RSRC1: variants seen among roughly 807,000 people sequenced by gnomAD.
RSRC1 encodes serine/Arginine-related protein 53.
A neutral mutation model predicts 49.1 loss-of-function variants in RSRC1; 39 were observed. That is an observed-to-expected ratio of 0.79 (90% confidence interval 0.61 to 1.04). RSRC1 has a LOEUF of 1.04. Ranked by LOEUF, RSRC1 falls within the 50% of genes least tolerant of loss-of-function variation. The pLI is 0.00. For missense variants in RSRC1, 388 were observed against 402.4 expected, an observed-to-expected ratio of 0.96 and a Z score of 0.31; for synonymous variants, 143 against 130.8, an observed-to-expected ratio of 1.09 and a Z score of -0.63.
intron 4 of RSRC1, among the ~76,000 whole-genome samples, chr3:158,238,249 T>C (rs1419059271): frequency 6.6e-6 from 1 of 152,190 alleles, no homozygotes; most frequent in East Asian, 1.9e-4. Flanking sequence ...CATTCCATGC[T>C]CATGGATAGA....
chr3:158,520,838 T>C (rs192561453), intron 7 of RSRC1, among the ~76,000 whole-genome samples: 37 of 152,306 alleles, frequency 2.4e-4, no homozygotes, highest in South Asian at 6.2e-4. Flanking sequence ...TGTATGTGGG[T>C]ATATATAAAA....
chr3:158,241,386 C>T (rs1723568467), intron 4 of RSRC1, among the ~76,000 whole-genome samples: 1 of 152,056 alleles, frequency 6.6e-6, no homozygotes, highest in Non-Finnish European at 1.5e-5. Flanking sequence ...GAGGCAGAAG[C>T]TGCAGTGAGC....
intron 3 of RSRC1, among the ~76,000 whole-genome samples, chr3:158,147,972 A>G (rs549014522): frequency 6.6e-6 from 1 of 152,296 alleles, no homozygotes; most frequent in South Asian, 2.1e-4. Flanking sequence ...TAACTATAAA[A>G]TTTTCTAAAC....
At chr3:158,268,307 G>GGCT (rs761764769) in intron 4 of RSRC1, among the ~76,000 whole-genome samples, 5 of 152,034 alleles carry the variant, frequency 3.3e-5, no homozygotes, top group Non-Finnish European at 5.9e-5. Context: ...TCTAATCTCT[G>GGCT]GCTACTTTTT....
chr3:158,509,135 T>A (rs1740022127), intron 7 of RSRC1, among the ~76,000 whole-genome samples: 2 of 152,212 alleles, frequency 1.3e-5, no homozygotes, highest in Non-Finnish European at 2.9e-5. Context: ...TTTTAGGTTT[T>A]ATATTTAGAT....
intron 6 of RSRC1, among the ~76,000 whole-genome samples, chr3:158,457,730 G>GT (rs1553809960): frequency 1.9e-4 from 23 of 119,636 alleles, no homozygotes; most frequent in South Asian, 1.9e-3. Context: ...TGTGTTTTGT[G>GT]TTTTTTTTTG....
At chr3:158,155,648 G>A (rs1717829822) in intron 3 of RSRC1, among the ~76,000 whole-genome samples, 1 of 127,910 alleles carries the variant, frequency 7.8e-6, no homozygotes, top group Non-Finnish European at 1.6e-5. Flanking sequence ...TCACCATGTT[G>A]CCCAAGCTGA....
chr3:158,133,827 G>T (rs1235955841), intron 3 of RSRC1, among the ~76,000 whole-genome samples: 2 of 152,196 alleles, frequency 1.3e-5, no homozygotes, highest in Non-Finnish European at 2.9e-5. Flanking sequence ...CTTATGCAGA[G>T]ATGTCACAGT....
Position 158,445,335 on chromosome 3 carries a change from T to G in RSRC1, c.584-15600T>G, listed in dbSNP as rs565083376. Among the ~76,000 whole-genome samples the G allele has an allele frequency of 3.5e-3, 533 of 151,994 alleles. 4 individuals are homozygous for G. The highest frequency in any genetic ancestry group is 0.012 in the African/African-American group (503 of 41,426). ...AATACTATGCAGCCATAAAAAAGGGTGAGTTCATGTCCTTTGTAGGGACAT... is the reference window on the plus strand; with the variant it reads ...AATACTATGCAGCCATAAAAAAGGGGGAGTTCATGTCCTTTGTAGGGACAT... On this transcript the variant is annotated intron_variant, in intron 6 of 9. Coordinates refer to ENST00000611884, the MANE Select transcript of RSRC1 (RefSeq NM_001271838.2).
intron 7 of RSRC1, among the ~76,000 whole-genome samples, chr3:158,533,124 G>T (rs1712496966): frequency 6.6e-6 from 1 of 151,748 alleles, no homozygotes; most frequent in Non-Finnish European, 1.5e-5. Context: ...TGAGAATTTT[G>T]AGTAAGAAGC....
chr3:158,313,268 T>C (rs1443698306), intron 5 of RSRC1, among the ~76,000 whole-genome samples: 3 of 152,198 alleles, frequency 2.0e-5, no homozygotes, highest in Non-Finnish European at 4.4e-5. Context: ...CCAGGAAATA[T>C]CTTATTCATT....
intron 4 of RSRC1, among the ~76,000 whole-genome samples, chr3:158,260,957 A>G (rs1466335310): frequency 6.6e-6 from 1 of 152,172 alleles, no homozygotes; most frequent in East Asian, 1.9e-4. Flanking sequence ...AAGGTGGTGT[A>G]GGTGATTCAA....
At chr3:158,158,938 CAA>C (rs11340589) in intron 3 of RSRC1, among the ~76,000 whole-genome samples, 295 of 119,306 alleles carry the variant, frequency 2.5e-3, no homozygotes, top group South Asian at 5.1e-3. Context: ...GACTCTGTCT[CAA>C]AAAAAAAAAA....
rs549448433 is a variant in RSRC1, at chr3:158,329,056, C to A, written c.532-25801C>A. On this transcript the variant is annotated intron_variant, in intron 5 of 9. Coordinates refer to ENST00000611884, the MANE Select transcript of RSRC1 (RefSeq NM_001271838.2). ...GCTACTGAAGGTTGTGCATTTGTCA[C>A]ATAGTTCTTGTGCCATGGTTTTCAG... 3.9e-5 allele frequency among the ~76,000 whole-genome samples: 6 copies of A among 152,316 alleles called. No individual in the cohort carries two copies. In the South Asian group the frequency reaches 1.2e-3, roughly 32 times the overall value.
At chr3:158,444,266 C>T (rs188995616) in intron 6 of RSRC1, among the ~76,000 whole-genome samples, 185 of 152,094 alleles carry the variant, frequency 1.2e-3, no homozygotes, top group African/African-American at 3.9e-3. Flanking sequence ...TATACTACAA[C>T]GCTACAGTAA....
At chr3:158,542,146 A>C (rs186184631) in intron 8 of RSRC1, among the ~76,000 whole-genome samples, 11 of 152,336 alleles carry the variant, frequency 7.2e-5, no homozygotes, top group Admixed American at 4.6e-4. Flanking sequence ...TGAATGGATA[A>C]ATAAAATGTG....
At chr3:158,371,054 C>G (rs1478961531) in intron 6 of RSRC1, among the ~76,000 whole-genome samples, 2 of 151,810 alleles carry the variant, frequency 1.3e-5, no homozygotes, top group Non-Finnish European at 2.9e-5. Context: ...AGCATCTTTT[C>G]ATGCAGTCAT....
Position 158,112,110 on chromosome 3 carries a change from A to G in RSRC1, c.-3+1887A>G, listed in dbSNP as rs115344825. Reference sequence around the variant, plus strand: ...GAGTGAGAACAGGAAACCAAGAGCTATAGGAGCTCTGTCCCATGTTGTCTC... The same window carrying G: ...GAGTGAGAACAGGAAACCAAGAGCTGTAGGAGCTCTGTCCCATGTTGTCTC... On this transcript the variant is annotated intron_variant, in intron 1 of 9. Transcript: ENST00000611884. Among the ~76,000 whole-genome samples, 1,200 of 152,318 alleles carry G rather than the reference A, an allele frequency of 7.9e-3. 10 individuals are homozygous for G. The highest frequency in any genetic ancestry group is 0.014 in the Non-Finnish European group (936 of 68,022).
intron 5 of RSRC1, among the ~76,000 whole-genome samples, chr3:158,335,286 C>T (rs1156307549): frequency 6.6e-6 from 1 of 152,050 alleles, no homozygotes; most frequent in Non-Finnish European, 1.5e-5. Context: ...ATTTTTATAA[C>T]TAAGAATGAC....
Sources: gnomAD v4.1 joint callset for allele counts (sites outside exome capture counted in the v4.1 genomes callset) on GRCh38, gnomAD v4.1.1 for gene constraint, MANE v1.5 for transcripts, NCBI Gene and HGNC (gene_info 2026-07-23, HGNC 2026-07-21) for gene names.